SATB1: variants seen among roughly 807,000 people sequenced by gnomAD.
The protein encoded by SATB1 is SATB homeobox 1, also known as DNA-binding protein SATB1.
In SATB1, 11 loss-of-function variants were observed where a neutral mutation model predicts 86.9. The observed-to-expected ratio is 0.13, with a 90% CI of 0.08 to 0.21. SATB1 has a LOEUF of 0.21. Ranked by LOEUF, SATB1 falls within the 10% of genes least tolerant of loss-of-function variation. The pLI, the probability that SATB1 is intolerant of heterozygous loss-of-function variation, is 1.00. For missense variants in SATB1, 551 were observed against 937.6 expected (o/e 0.59, Z 5.39); for synonymous variants, 357 against 357.2 (o/e 1.00, Z 0.01).
chr3:18,356,026 C>A (rs1694612678), intron 9 of SATB1, among the ~76,000 whole-genome samples: 1 of 151,776 alleles, frequency 6.6e-6, no homozygotes, highest in Admixed American at 6.6e-5. Flanking sequence ...TGTTCTAAAC[C>A]CTTTGTTTCT....
Position 18,394,368 on chromosome 3 carries a change from G to T in SATB1, c.1206+94C>A. ...ACATGAAGAGAGAGAGAAAATGTTA[G>T]TACAGAAGTAAAAGAATAAACTTTA... On this transcript the variant is annotated intron_variant, in intron 7 of 10. Coordinates refer to ENST00000338745, the MANE Select transcript of SATB1 (RefSeq NM_002971.6). The surrounding 1 kb of genome is among the most constrained non-coding windows in gnomAD (Gnocchi z 5.9). The T allele has an allele frequency of 9.6e-7, 1 of 1,040,414 alleles. No homozygotes were observed. Among genetic ancestry groups the T allele is most frequent in the Admixed American group, 2.0e-5 (1 of 50,780 alleles). The allele number at this position is 1,040,414 out of a possible 1,614,324, so 64.4% of individuals were successfully genotyped here. A position where few individuals can be genotyped will look rare whatever the true frequency, so the allele number is the denominator to read the frequency against.
rs1488986356 is a variant in SATB1, at chr3:18,392,616, T to A, written c.1206+1846A>T. 2.0e-5 allele frequency among the ~76,000 whole-genome samples: 3 copies of A among 151,800 alleles called. No individual in the cohort carries two copies. The East Asian group carries it at 5.8e-4, about 29-fold the overall frequency. The stretch of plus-strand genomic sequence containing the variant: ...ATACACATATATATACATATATATA[T>A]AATTTGTGTCTATGTCATGATGTCT... On this transcript the variant is annotated intron_variant, in intron 7 of 10. Transcript: ENST00000338745.
chr3:18,434,300 T>C (rs1056415311), intron 2 of SATB1, among the ~76,000 whole-genome samples: 1 of 152,044 alleles, frequency 6.6e-6, no homozygotes, highest in African/African-American at 2.4e-5. Context: ...TATGCCGCAG[T>C]TTAGGATGTA....
intron 8 of SATB1, among the ~76,000 whole-genome samples, chr3:18,384,873 T>C (rs939201163): frequency 6.6e-6 from 1 of 152,182 alleles, no homozygotes; most frequent in Non-Finnish European, 1.5e-5. Flanking sequence ...CGTATATAGA[T>C]GCCATGCTTT....
intron 9 of SATB1, among the ~76,000 whole-genome samples, chr3:18,375,090 G>A (rs1695677923): frequency 6.6e-6 from 1 of 152,122 alleles, no homozygotes; most frequent in African/African-American, 2.4e-5. Context: ...AGAACCTTGT[G>A]TTCCATGAAT....
At position 18,349,680 on chromosome 3, in the gene SATB1, T is replaced by C. The variant is rs1462956056; in HGVS notation, c.1782A>G (p.Gln594=). The change falls in exon 11 of 11, where the codon CAA becomes CAG. Residue 594 remains glutamine, a splice_region_variant and synonymous_variant. Coordinates refer to ENST00000338745, the MANE Select transcript of SATB1 (RefSeq NM_002971.6). This position sits in a 1 kb window ranked among gnomAD's most constrained non-coding sequence, Gnocchi z 5.5. Reference sequence around the variant, plus strand: ...GCTGCTGTTGCTGTTGCTGCTGCTGTTGCTGCAAAGAAACAAGGAGACAAT... The same window carrying C: ...GCTGCTGTTGCTGTTGCTGCTGCTGCTGCTGCAAAGAAACAAGGAGACAAT... The part of the protein sequence containing the change: ...IIHVPAEQIQ[Q]QQQQQQQQQQ... 2 of 1,599,086 alleles carry C rather than the reference T, an allele frequency of 1.3e-6. No homozygotes were observed. Among genetic ancestry groups the C allele is most frequent in the African/African-American group, 1.3e-5 (1 of 74,676 alleles).
At chr3:18,426,947 T>C (rs1468261631), upstream of SATB1, among the ~76,000 whole-genome samples, 1 of 152,092 alleles carries the variant, frequency 6.6e-6, no homozygotes, top group Non-Finnish European at 1.5e-5. The surrounding 1 kb of genome is among the most constrained non-coding windows in gnomAD (Gnocchi z 4.2). Context: ...TGAAAATATA[T>C]CACTCTAATA....
At chr3:18,383,657 G>C (rs1696170196) in intron 8 of SATB1, among the ~76,000 whole-genome samples, 1 of 151,612 alleles carries the variant, frequency 6.6e-6, no homozygotes, top group Non-Finnish European at 1.5e-5. Context: ...TGTTATCTGT[G>C]GTTTTCTCCA....
At chr3:18,356,264 G>A (rs944978805) in intron 9 of SATB1, among the ~76,000 whole-genome samples, 1 of 151,782 alleles carries the variant, frequency 6.6e-6, no homozygotes, top group African/African-American at 2.4e-5. Flanking sequence ...AGGAAATACT[G>A]TTATGTACTT....
rs940851968 is a variant in SATB1 at position 18,345,779 on chromosome 3, G to A, written c.*3391C>T. ...ATTAGAGGGAATACACATTTTAATT[G>A]CTCTTTTTGAAAATATCACCAGGCA... is the stretch of plus-strand genomic sequence containing the variant. On this transcript the variant is annotated 3_prime_UTR_variant, in exon 11 of 11. Coordinates refer to ENST00000338745, the MANE Select transcript of SATB1 (RefSeq NM_002971.6). 6.6e-6 allele frequency: 1 copy of A among 151,992 alleles called. No individual in the cohort carries two copies. Among genetic ancestry groups the A allele is most frequent in the Admixed American group, 6.6e-5 (1 of 15,258 alleles). 9.4% of individuals were successfully genotyped at this position (151,992 alleles called of 1,614,324 possible). A position where few individuals can be genotyped will look rare whatever the true frequency, so the allele number is the denominator to read the frequency against.
intron 2 of SATB1, among the ~76,000 whole-genome samples, chr3:18,433,156 T>C (rs1409506492): frequency 6.6e-6 from 1 of 152,160 alleles, no homozygotes; most frequent in African/African-American, 2.4e-5. Context: ...GAAAGGCGCA[T>C]AGACAAAAAC....
At chr3:18,410,787 C>T (rs9681161) in intron 5 of SATB1, 267,684 of 317,324 alleles carry the variant, frequency 0.84, 113,402 homozygotes, top group East Asian at 0.94. Flanking sequence ...ACATGTCATT[C>T]CAGTCCAAAA....
At chr3:18,367,336 T>A (rs1035948188) in intron 9 of SATB1, among the ~76,000 whole-genome samples, 3 of 152,188 alleles carry the variant, frequency 2.0e-5, no homozygotes, top group Non-Finnish European at 4.4e-5. Context: ...TCAACAATGA[T>A]GATGAAAAAT....
At position 18,345,467 on chromosome 3, in the gene SATB1, T is replaced by C. The variant is rs1694006301; in HGVS notation, c.*3703A>G. On this transcript the variant is annotated 3_prime_UTR_variant, in exon 11 of 11. Coordinates refer to ENST00000338745, the MANE Select transcript of SATB1 (RefSeq NM_002971.6). ...AGGACATACACCTTCTACCACAATT[T>C]CTTTAATTAGGGTACTTTATATTTT... is the stretch of plus-strand genomic sequence containing the variant. 6.6e-6 allele frequency: 1 copy of C among 152,158 alleles called. No individual in the cohort carries two copies. The highest frequency in any genetic ancestry group is 1.5e-5 in the Non-Finnish European group (1 of 67,968). The allele number at this position is 152,158 out of a possible 1,614,324, so 9.4% of individuals were successfully genotyped here. A position where few individuals can be genotyped will look rare whatever the true frequency, so the allele number is the denominator to read the frequency against.
intron 5 of SATB1, among the ~76,000 whole-genome samples, chr3:18,407,543 G>C (rs1697606364): frequency 6.6e-6 from 1 of 151,974 alleles, no homozygotes; most frequent in East Asian, 1.9e-4. Context: ...TGTTTTCTAA[G>C]TACTAGCTCA....
chr3:18,444,469 G>A lies in SATB1; in HGVS notation c.-25+1049C>T, dbSNP rs535881252. On this transcript the variant is annotated intron_variant, in intron 1 of 3. Transcript: ENST00000415069. The surrounding 1 kb of genome is among the most constrained non-coding windows in gnomAD (Gnocchi z 5.1). ...GACCGTTGAAGCCCTGCGCCCACGA[G>A]AGGGGAGCCCAGCCGCCCCAATAGG... 1 of 494,556 alleles carries A rather than the reference G, an allele frequency of 2.0e-6. No homozygotes were observed. Among genetic ancestry groups the A allele is most frequent in the South Asian group, 8.6e-5 (1 of 11,664 alleles). The allele number at this position is 494,556 out of a possible 1,614,324, so 30.6% of individuals were successfully genotyped here. A position where few individuals can be genotyped will look rare whatever the true frequency, so the allele number is the denominator to read the frequency against.
rs543006394 is a variant in SATB1 at position 18,437,108 on chromosome 3, T to G, written c.-107-237A>C. Among the ~76,000 whole-genome samples the G allele has an allele frequency of 3.4e-4, 52 of 152,280 alleles. 1 individual carries two copies. In the South Asian group the frequency reaches 0.011, roughly 31 times the overall value. On this transcript the variant is annotated intron_variant, in intron 1 of 3. Coordinates refer to the SATB1 transcript ENST00000414509. ...ATATTAGGTTATATAGAGTTTTAAG[T>G]AATCACAATTTGGCTAAAGAAAAAG...
chr3:18,409,130 G>A (rs1192994835), intron 5 of SATB1: 1 of 151,986 alleles, frequency 6.6e-6, no homozygotes, highest in East Asian at 1.9e-4. Context: ...ACATTGTTAA[G>A]CACTCTCTAA....
chr3:18,428,732 A>C (rs1395851137), upstream of SATB1, among the ~76,000 whole-genome samples: 14 of 152,246 alleles, frequency 9.2e-5, no homozygotes, highest in Admixed American at 5.9e-4. Flanking sequence ...TTTCTATCAC[A>C]TGAGAAGGCA....
Sources: gnomAD v4.1 joint callset for allele counts (sites outside exome capture counted in the v4.1 genomes callset) on GRCh38, gnomAD v4.1.1 for gene constraint, Gnocchi (gnomAD v3.1) non-coding constraint, MANE v1.5 for transcripts, NCBI Gene and HGNC (gene_info 2026-07-23, HGNC 2026-07-21) for gene names.